The following CSMD1 variants were observed in gnomAD, a reference collection of about 807,000 sequenced individuals.
The protein encoded by CSMD1 is CUB and Sushi multiple domains 1, also known as CUB and sushi domain-containing protein 1.
A neutral mutation model predicts 417.5 loss-of-function variants in CSMD1; 213 were observed. The ratio of observed to expected loss-of-function variants is 0.51; its 90% CI spans 0.46 to 0.57. The LOEUF (loss-of-function observed/expected upper bound fraction) is 0.57, where lower values mean the gene tolerates loss of function less well. CSMD1 is among the 20% of genes least tolerant of loss of function. The pLI, the probability that CSMD1 is intolerant of heterozygous loss-of-function variation, is 0.00. For synonymous variants in CSMD1, 2,862 were observed against 1,736.8 expected, an observed-to-expected ratio of 1.65 and a Z score of -16.11; for missense variants, 6,923 against 4,529.7, an observed-to-expected ratio of 1.53 and a Z score of -15.17.
intron 8 of CSMD1, among the ~76,000 whole-genome samples, chr8:3,598,822 C>T (rs1332617366): frequency 6.6e-6 from 1 of 152,132 alleles, no homozygotes; most frequent in Non-Finnish European, 1.5e-5. Context: ...GTGACTCACG[C>T]CTGAAATCCC....
chr8:3,021,767 G>C (rs1038390329), intron 51 of CSMD1, among the ~76,000 whole-genome samples: 1 of 143,996 alleles, frequency 6.9e-6, no homozygotes, highest in Non-Finnish European at 1.5e-5. Context: ...ACAGCATCCG[G>C]AATGCACCTG....
intron 1 of CSMD1, among the ~76,000 whole-genome samples, chr8:4,667,089 A>T (rs1412055796): frequency 4.6e-5 from 7 of 152,168 alleles, no homozygotes; most frequent in African/African-American, 1.4e-4. Flanking sequence ...TTATTACAGA[A>T]TCCTTTGGTG....
chr8:3,956,575 C>G (rs1000627198), intron 5 of CSMD1, among the ~76,000 whole-genome samples: 1 of 152,188 alleles, frequency 6.6e-6, no homozygotes, highest in East Asian at 1.9e-4. Flanking sequence ...GTATCAAATA[C>G]TGTGCCCCAT....
At chr8:3,109,059 G>T (rs1040126266) in intron 43 of CSMD1, among the ~76,000 whole-genome samples, 1 of 152,170 alleles carries the variant, frequency 6.6e-6, no homozygotes, top group Non-Finnish European at 1.5e-5. Flanking sequence ...GAGGTCAGGA[G>T]TTTGAGACCA....
chr8:2,957,328 C>T (rs1012158604), intron 63 of CSMD1, among the ~76,000 whole-genome samples: 6 of 152,132 alleles, frequency 3.9e-5, no homozygotes, highest in Non-Finnish European at 7.3e-5. Flanking sequence ...AATAAGTTTT[C>T]CCTCTAAGAA....
chr8:4,079,745 A>G (rs1335271716), intron 3 of CSMD1, among the ~76,000 whole-genome samples: 1 of 152,150 alleles, frequency 6.6e-6, no homozygotes, highest in Non-Finnish European at 1.5e-5. Flanking sequence ...TTTTGTAGTG[A>G]TGAAAAATAG....
intron 3 of CSMD1, among the ~76,000 whole-genome samples, chr8:4,154,020 C>T (rs118044093): frequency 3.3e-5 from 5 of 152,196 alleles, no homozygotes; most frequent in South Asian, 2.1e-4. Flanking sequence ...CATTTTGCAC[C>T]GTATTTTCAG....
intron 33 of CSMD1, among the ~76,000 whole-genome samples, chr8:3,197,185 G>C (rs957959970): frequency 3.3e-5 from 5 of 152,158 alleles, no homozygotes; most frequent in Admixed American, 3.3e-4. Flanking sequence ...AGGATGACAT[G>C]GAGGGTGGGA....
At chr8:4,545,894 TTC>T in intron 2 of CSMD1, among the ~76,000 whole-genome samples, 2 of 152,230 alleles carry the variant, frequency 1.3e-5, no homozygotes, top group Admixed American at 1.3e-4. Flanking sequence ...TTACATTTAG[TTC>T]TCTCTTTTCT....
intron 3 of CSMD1, among the ~76,000 whole-genome samples, chr8:4,066,959 G>A (rs553140741): frequency 2.0e-5 from 3 of 152,324 alleles, no homozygotes; most frequent in South Asian, 2.1e-4. Flanking sequence ...CCCTCAGGGT[G>A]GAACCTAATG....
At chr8:3,993,547 GT>G (rs1814923137) in intron 5 of CSMD1, among the ~76,000 whole-genome samples, 1 of 152,130 alleles carries the variant, frequency 6.6e-6, no homozygotes, top group Non-Finnish European at 1.5e-5. Context: ...AATTGTGCTG[GT>G]TTAACAGGAA....
intron 5 of CSMD1, among the ~76,000 whole-genome samples, chr8:3,789,078 G>T (rs545407733): frequency 1.3e-5 from 2 of 152,164 alleles, no homozygotes; most frequent in Non-Finnish European, 2.9e-5. Context: ...CTAAACCTAA[G>T]CACCAACATG....
intron 2 of CSMD1, among the ~76,000 whole-genome samples, chr8:4,423,825 A>G (rs550721917): frequency 6.6e-6 from 1 of 152,136 alleles, no homozygotes; most frequent in South Asian, 2.1e-4. Flanking sequence ...TTTTATATCT[A>G]CAACGGTTAA....
chr8:3,931,205 T>G (rs1206021976), intron 5 of CSMD1, among the ~76,000 whole-genome samples: 2 of 150,728 alleles, frequency 1.3e-5, no homozygotes, highest in Non-Finnish European at 3.0e-5. Flanking sequence ...AGGAAGACAC[T>G]AAATAAATGA....
At chr8:4,460,499 G>T (rs112825747) in intron 2 of CSMD1, among the ~76,000 whole-genome samples, 248 of 151,820 alleles carry the variant, frequency 1.6e-3, no homozygotes, top group African/African-American at 5.6e-3. Context: ...GTATACAATA[G>T]AAAAAAATGA....
chr8:4,486,230 C>CATAT (rs1207101853), intron 2 of CSMD1, among the ~76,000 whole-genome samples: 2 of 16,460 alleles, frequency 1.2e-4, no homozygotes, highest in African/African-American at 3.8e-4. Flanking sequence ...TATATACATA[C>CATAT]ATATATATAT....
intron 2 of CSMD1, among the ~76,000 whole-genome samples, chr8:4,513,243 T>G (rs886427667): frequency 6.6e-6 from 1 of 152,170 alleles, no homozygotes; most frequent in Non-Finnish European, 1.5e-5. Flanking sequence ...ATCCTGTATG[T>G]GTGGGGACAG....
intron 5 of CSMD1, among the ~76,000 whole-genome samples, chr8:3,782,313 G>A (rs968550520): frequency 3.9e-5 from 6 of 152,168 alleles, no homozygotes; most frequent in African/African-American, 1.2e-4. Context: ...AACCATACTT[G>A]TATGATACTG....
chr8:4,642,933 G>C lies in CSMD1; in HGVS notation c.86-5375C>G, dbSNP rs572375083. On this transcript the variant is annotated intron_variant, in intron 1 of 69. Coordinates refer to ENST00000635120, the MANE Select transcript of CSMD1 (RefSeq NM_033225.6). ...CCATGCAGGGAAATGATACTCTGTA[G>C]CAAATTCTACAAACGAGGAAACGAG... is the stretch of plus-strand genomic sequence containing the variant. Among the ~76,000 whole-genome samples the C allele has an allele frequency of 6.4e-4, 98 of 152,314 alleles. 1 individual carries two copies. Among genetic ancestry groups the C allele is most frequent in the Non-Finnish European group, 1.2e-3 (81 of 68,020 alleles).
Sources: allele counts gnomAD v4.1 joint callset (sites outside exome capture counted in the v4.1 genomes callset), GRCh38; gene constraint gnomAD v4.1.1; transcripts MANE v1.5; gene names NCBI Gene and HGNC (gene_info 2026-07-23, HGNC 2026-07-21).